SEC63: variants seen among roughly 807,000 people sequenced by gnomAD.
SEC63 encodes translocation protein SEC63 homolog.
A neutral mutation model predicts 116.2 loss-of-function variants in SEC63; 56 were observed. That is an observed-to-expected ratio of 0.48 (90% CI 0.39 to 0.60). The LOEUF is 0.60. SEC63 is among the 20% of genes least tolerant of loss of function. The pLI, the probability that SEC63 is intolerant of heterozygous loss-of-function variation, is 0.00. For missense variants in SEC63, 668 were observed against 900.0 expected, an observed-to-expected ratio of 0.74 and a Z score of 3.30; for synonymous variants, 273 against 294.6, an observed-to-expected ratio of 0.93 and a Z score of 0.75.
intron 1 of SEC63, among the ~76,000 whole-genome samples, chr6:107,939,799 C>A (rs1055322240): frequency 1.4e-4 from 22 of 152,034 alleles, no homozygotes; most frequent in African/African-American, 5.3e-4. Flanking sequence ...ACAATCTTTC[C>A]TTTAACCGTG....
chr6:107,871,521 A>T lies in SEC63; in HGVS notation c.*183T>A. 1.5e-6 allele frequency: 1 copy of T among 661,878 alleles called. No individual in the cohort carries two copies. Among genetic ancestry groups the T allele is most frequent in the Non-Finnish European group, 2.7e-6 (1 of 368,878 alleles). The allele number at this position is 661,878 out of a possible 1,614,324, so 41.0% of individuals were successfully genotyped here. A position where few individuals can be genotyped will look rare whatever the true frequency, so the allele number is the denominator to read the frequency against. ...TACTTGAAAGGTTTCAATAAGCCTT[A>T]ACATTTTTCAGGTTGTACCAAGGCA... On this transcript the variant is annotated 3_prime_UTR_variant, in exon 21 of 21. Coordinates refer to ENST00000369002, the MANE Select transcript of SEC63 (RefSeq NM_007214.5).
At chr6:107,949,183 G>A (rs1275593615) in intron 1 of SEC63, among the ~76,000 whole-genome samples, 1 of 152,218 alleles carries the variant, frequency 6.6e-6, no homozygotes, top group Non-Finnish European at 1.5e-5. Context: ...GTATAAAGAT[G>A]TAATTAGGGG....
At position 107,903,013 on chromosome 6, in the gene SEC63, GA is replaced by G; in HGVS notation, c.1055-16del. ...AAACTCCCTTTCTTAGAAAGAACAG[GA>G]AAAAAAGAAACAGGGCTGGACTTTT... On this transcript the variant is annotated splice_polypyrimidine_tract_variant and intron_variant, in intron 11 of 20. Coordinates refer to ENST00000369002, the MANE Select transcript of SEC63 (RefSeq NM_007214.5). 1 of 1,613,300 alleles carries G rather than the reference GA, an allele frequency of 6.2e-7. No individual in the cohort carries two copies. Among genetic ancestry groups the G allele is most frequent in the Non-Finnish European group, 8.5e-7 (1 of 1,179,654 alleles).
At chr6:107,957,494 C>G (rs532780471) in intron 1 of SEC63, 2 of 158,092 alleles carry the variant, frequency 1.3e-5, no homozygotes, top group East Asian at 3.7e-4. Context: ...ACTGGACGGA[C>G]TGAGAGTTGT....
At chr6:107,902,807 A>G (rs1787037980) in intron 12 of SEC63, 37 bp downstream of exon 12, 1 of 1,598,228 alleles carries the variant, frequency 6.3e-7, no homozygotes, top group Admixed American at 1.7e-5. Context: ...GACAGGACAA[A>G]CTGCTGAAAA....
At position 107,869,491 on chromosome 6, in the gene SEC63, A is replaced by C. The variant is rs1247427927; in HGVS notation, c.*2213T>G. On this transcript the variant is annotated 3_prime_UTR_variant, in exon 21 of 21. Transcript: ENST00000369002. Reference sequence around the variant, plus strand: ...ACAAAATGTCAGTTTCTTTATAGGAAGAAAATTGAAACTTTGCTCAAGTTT... The same window carrying C: ...ACAAAATGTCAGTTTCTTTATAGGACGAAAATTGAAACTTTGCTCAAGTTT... 1 of 152,232 alleles carries C rather than the reference A, an allele frequency of 6.6e-6. No homozygotes were observed. The highest frequency in any genetic ancestry group is 1.9e-4 in the East Asian group (1 of 5,198). 9.4% of individuals were successfully genotyped at this position (152,232 alleles called of 1,614,324 possible).
chr6:107,892,268 C>T (rs559992583), intron 16 of SEC63, among the ~76,000 whole-genome samples: 73 of 152,186 alleles, frequency 4.8e-4, no homozygotes, highest in African/African-American at 1.6e-3. Context: ...GCAGTCTGGC[C>T]GCAGTAGCCT....
chr6:107,890,423 A>T (rs1203902668), intron 16 of SEC63, among the ~76,000 whole-genome samples: 1 of 152,178 alleles, frequency 6.6e-6, no homozygotes, highest in Admixed American at 6.5e-5. Context: ...TTTGCTTGGT[A>T]AATATTCCTC....
intron 19 of SEC63, among the ~76,000 whole-genome samples, chr6:107,873,124 A>G (rs2114388379): frequency 1.3e-5 from 2 of 152,316 alleles, no homozygotes; most frequent in East Asian, 3.9e-4. Context: ...GAGGAAATCA[A>G]ATTATGCAGA....
rs1257174914 is a variant in SEC63, at chr6:107,938,470, C to G, written c.125-8956G>C. 3.9e-5 allele frequency among the ~76,000 whole-genome samples: 6 copies of G among 151,952 alleles called. No individual in the cohort carries two copies. The East Asian group carries it at 9.6e-4, about 24-fold the overall frequency. On this transcript the variant is annotated intron_variant, in intron 1 of 20. Coordinates refer to ENST00000369002, the MANE Select transcript of SEC63 (RefSeq NM_007214.5). The stretch of plus-strand genomic sequence containing the variant: ...ATGTTGCCCAGGCTGGTTTCAAACT[C>G]CTGGGCTCAAGCAATCCTCCCTCCG...
chr6:107,926,496 T>G (rs1275670737), intron 2 of SEC63, among the ~76,000 whole-genome samples: 1 of 152,046 alleles, frequency 6.6e-6, no homozygotes, highest in African/African-American at 2.4e-5. Context: ...CACCTCAGCC[T>G]CCCAAAGCAC....
intron 18 of SEC63, 168 bp from the exon 19 acceptor site, chr6:107,876,830 T>C: frequency 3.4e-6 from 2 of 596,614 alleles, no homozygotes; most frequent in East Asian, 2.8e-5. Flanking sequence ...TAAGCTGTTC[T>C]TAACATTTGT....
intron 17 of SEC63, 39 bp from the exon 18 acceptor site, chr6:107,881,289 T>C (rs745999999): frequency 1.3e-5 from 17 of 1,350,802 alleles, no homozygotes; most frequent in Middle Eastern, 4.3e-4. Flanking sequence ...AAATCTAGTA[T>C]GTGTTTTATC....
At chr6:107,879,111 G>A (rs1022285731) in intron 18 of SEC63, among the ~76,000 whole-genome samples, 22 of 152,138 alleles carry the variant, frequency 1.4e-4, no homozygotes, top group South Asian at 8.3e-4. Context: ...TAAGAAACAC[G>A]GAAATGTAGA....
Position 107,886,023 on chromosome 6 carries a change from G to A in SEC63, c.1675-2877C>T, listed in dbSNP as rs894737959. Among the ~76,000 whole-genome samples, 8 of 152,060 alleles carry A rather than the reference G, an allele frequency of 5.3e-5. No homozygotes were observed. In the East Asian group the frequency reaches 7.7e-4, roughly 15 times the overall value. On this transcript the variant is annotated intron_variant, in intron 16 of 20. Coordinates refer to ENST00000369002, the MANE Select transcript of SEC63 (RefSeq NM_007214.5). ...TCCCTCCCCTAGCCCACCACCACCCGACATGCCCCGGTGTGTGATGTTCCC... is the reference window on the plus strand; with the variant it reads ...TCCCTCCCCTAGCCCACCACCACCCAACATGCCCCGGTGTGTGATGTTCCC...
intron 19 of SEC63, among the ~76,000 whole-genome samples, chr6:107,874,504 G>T (rs1270177403): frequency 6.6e-6 from 1 of 150,446 alleles, no homozygotes; most frequent in African/African-American, 2.4e-5. Context: ...GCTGAGGCAG[G>T]AGAATGGCGT....
At chr6:107,900,502 G>C (rs1220407009) in intron 13 of SEC63, among the ~76,000 whole-genome samples, 2 of 151,988 alleles carry the variant, frequency 1.3e-5, no homozygotes, top group Non-Finnish European at 2.9e-5. Context: ...AATAAAATTA[G>C]CCAGGTATGG....
chr6:107,952,285 C>T (rs1196966925), intron 1 of SEC63, among the ~76,000 whole-genome samples: 3 of 152,080 alleles, frequency 2.0e-5, no homozygotes, highest in Non-Finnish European at 4.4e-5. Context: ...TGCCAATAAA[C>T]GAACTATTTC....
At chr6:107,927,809 C>G (rs1161360969) in intron 2 of SEC63, among the ~76,000 whole-genome samples, 1 of 152,194 alleles carries the variant, frequency 6.6e-6, no homozygotes, top group Admixed American at 6.5e-5. Context: ...AACCTATATA[C>G]ATCCTCCCAT....
Sources: gnomAD v4.1 joint callset for allele counts (sites outside exome capture counted in the v4.1 genomes callset) on GRCh38, gnomAD v4.1.1 for gene constraint, MANE v1.5 for transcripts, NCBI Gene and HGNC (gene_info 2026-07-23, HGNC 2026-07-21) for gene names.